HPSE2: variants seen among roughly 807,000 people sequenced by gnomAD.
HPSE2 encodes inactive heparanase-2.
In HPSE2, 38 loss-of-function variants were observed where a neutral mutation model predicts 60.5. The observed-to-expected ratio is 0.63, with a 90% CI of 0.48 to 0.82. The LOEUF is 0.82. HPSE2 is among the 40% of genes least tolerant of loss of function. The probability of loss-of-function intolerance (pLI) is 0.00; values close to 1 mark genes in which losing one functional copy is unlikely to be tolerated. For missense variants in HPSE2, 713 were observed against 740.4 expected (o/e 0.96, Z 0.43); for synonymous variants, 295 against 293.2 (o/e 1.01, Z -0.06).
chr10:98,655,802 G>T (rs1357895054), intron 6 of HPSE2, among the ~76,000 whole-genome samples: 3 of 25,114 alleles, frequency 1.2e-4, no homozygotes, highest in African/African-American at 1.8e-4. Context: ...CCATGGTTAT[G>T]AGAGTAAGGA....
chr10:98,868,964 G>A (rs955000858), intron 3 of HPSE2, among the ~76,000 whole-genome samples: 1 of 152,000 alleles, frequency 6.6e-6, no homozygotes, highest in African/African-American at 2.4e-5. Flanking sequence ...CCTCTAGAAT[G>A]TATTTAGACT....
intron 3 of HPSE2, among the ~76,000 whole-genome samples, chr10:99,110,183 T>C (rs1844405281): frequency 6.6e-6 from 1 of 152,254 alleles, no homozygotes; most frequent in South Asian, 2.1e-4. Context: ...ACTAGTTTAC[T>C]GCAGTGTTTT....
At chr10:98,857,895 A>C in intron 3 of HPSE2, among the ~76,000 whole-genome samples, 1 of 152,202 alleles carries the variant, frequency 6.6e-6, no homozygotes, top group Middle Eastern at 3.2e-3. Flanking sequence ...CAATCTCACA[A>C]AATATTTTGA....
intron 3 of HPSE2, among the ~76,000 whole-genome samples, chr10:99,079,687 G>T (rs1843067110): frequency 6.6e-6 from 1 of 152,134 alleles, no homozygotes; most frequent in East Asian, 1.9e-4. Flanking sequence ...CTCCAGAGAA[G>T]TTGAGGCATT....
intron 3 of HPSE2, among the ~76,000 whole-genome samples, chr10:99,077,755 TTATC>T (rs1842996930): frequency 6.6e-6 from 1 of 151,702 alleles, no homozygotes; most frequent in East Asian, 1.9e-4. Context: ...ACACACAAAT[TTATC>T]TATGTTGAAA....
At chr10:98,590,407 C>T (rs893811776) in intron 9 of HPSE2, among the ~76,000 whole-genome samples, 1 of 152,240 alleles carries the variant, frequency 6.6e-6, no homozygotes, top group African/African-American at 2.4e-5. Context: ...TGCACCACTG[C>T]ACTCCAGCCT....
At chr10:98,655,698 AAC>A (rs1205461240) in intron 6 of HPSE2, among the ~76,000 whole-genome samples, 1 of 152,190 alleles carries the variant, frequency 6.6e-6, no homozygotes, top group African/African-American at 2.4e-5. Flanking sequence ...CATGCATGTC[AAC>A]ACTGACCTTT....
intron 3 of HPSE2, among the ~76,000 whole-genome samples, chr10:99,142,142 G>A (rs1029384987): frequency 6.6e-6 from 1 of 152,168 alleles, no homozygotes; most frequent in African/African-American, 2.4e-5. Flanking sequence ...TGTTCTGAAT[G>A]TGCTGGTAAA....
intron 3 of HPSE2, among the ~76,000 whole-genome samples, chr10:98,895,697 A>G (rs2134956256): frequency 6.6e-6 from 1 of 151,564 alleles, no homozygotes; most frequent in South Asian, 2.1e-4. Flanking sequence ...AATGTCTAAC[A>G]ATGATAGACT....
chr10:99,050,834 A>C (rs1418104016), intron 3 of HPSE2, among the ~76,000 whole-genome samples: 2 of 152,172 alleles, frequency 1.3e-5, no homozygotes, highest in South Asian at 2.1e-4. Context: ...TGGTTACCAA[A>C]GGCTGCAGAG....
chr10:98,615,063 G>A, intron 8 of HPSE2, 45 bp from the exon 9 acceptor site: 1 of 1,391,596 alleles, frequency 7.2e-7, no homozygotes, highest in Non-Finnish European at 1.0e-6. Context: ...TTTTTTAAAT[G>A]GCATATAACA....
At chr10:98,944,893 A>G (rs1955133770) in intron 3 of HPSE2, among the ~76,000 whole-genome samples, 1 of 152,082 alleles carries the variant, frequency 6.6e-6, no homozygotes, top group Admixed American at 6.6e-5. Flanking sequence ...AAAGCCAAGG[A>G]CCTTACTGAG....
intron 3 of HPSE2, among the ~76,000 whole-genome samples, chr10:98,842,323 T>G (rs11189842): frequency 0.028 from 4,188 of 152,180 alleles, 141 homozygotes; most frequent in East Asian, 0.16. Flanking sequence ...CTTTACCTAG[T>G]AGTGACAACA....
intron 3 of HPSE2, among the ~76,000 whole-genome samples, chr10:99,100,728 A>C (rs1843932859): frequency 1.3e-5 from 2 of 152,204 alleles, no homozygotes. Flanking sequence ...AAAAATGTTA[A>C]GGGCAGCCAG....
At chr10:99,144,166 A>C (rs1014287306) in intron 3 of HPSE2, 72 bp downstream of exon 3, 11 of 1,382,508 alleles carry the variant, frequency 8.0e-6, no homozygotes, top group Non-Finnish European at 1.1e-5. Flanking sequence ...GTGTAGACAG[A>C]CAGATGTGTA....
intron 4 of HPSE2, among the ~76,000 whole-genome samples, chr10:98,737,929 C>T (rs1949399648): frequency 6.6e-6 from 1 of 152,158 alleles, no homozygotes. Context: ...CAATGCTATG[C>T]TCATCAAGCT....
intron 8 of HPSE2, among the ~76,000 whole-genome samples, chr10:98,620,164 C>A (rs533711031): frequency 6.6e-6 from 1 of 152,196 alleles, no homozygotes; most frequent in Admixed American, 6.5e-5. Flanking sequence ...ATGATTACTA[C>A]AGCACTTACC....
intron 3 of HPSE2, among the ~76,000 whole-genome samples, chr10:98,884,441 T>TGGCTTCAA (rs1953110013): frequency 1.3e-5 from 2 of 152,182 alleles, no homozygotes; most frequent in South Asian, 4.1e-4. Flanking sequence ...AGTCAATGCC[T>TGGCTTCAA]GGCTTCAAAG....
chr10:99,028,396 T>C (rs972253030), intron 3 of HPSE2, among the ~76,000 whole-genome samples: 4 of 152,018 alleles, frequency 2.6e-5, no homozygotes, highest in African/African-American at 9.7e-5. Context: ...CCATTTACAA[T>C]AGCCACAAAT....
Sources: gnomAD v4.1 joint callset for allele counts (sites outside exome capture counted in the v4.1 genomes callset) on GRCh38, gnomAD v4.1.1 for gene constraint, MANE v1.5 for transcripts, NCBI Gene and HGNC (gene_info 2026-07-23, HGNC 2026-07-21) for gene names.